FRMD5: variants seen among roughly 807,000 people sequenced by gnomAD.
FRMD5 encodes the protein FERM domain containing 5, also known as FERM domain-containing protein 5.
FRMD5 carries 20 observed loss-of-function variants against 69.0 expected under a neutral mutation model. That is an observed-to-expected ratio of 0.29 (90% CI 0.20 to 0.42). The LOEUF is 0.42. FRMD5 is among the 10% of genes least tolerant of loss of function. The pLI is 1.00. For synonymous variants in FRMD5, 271 were observed against 260.1 expected (o/e 1.04, Z -0.40); for missense variants, 595 against 708.6 (o/e 0.84, Z 1.82).
At chr15:44,108,610 A>G (rs1458169075) in intron 1 of FRMD5, among the ~76,000 whole-genome samples, 1 of 152,116 alleles carries the variant, frequency 6.6e-6, no homozygotes, top group Non-Finnish European at 1.5e-5. Flanking sequence ...ACGCCATTGC[A>G]CTCCAGCCTG....
At chr15:43,980,392 T>G (rs555214767) in intron 1 of FRMD5, among the ~76,000 whole-genome samples, 1 of 152,334 alleles carries the variant, frequency 6.6e-6, no homozygotes, top group South Asian at 2.1e-4. Flanking sequence ...GGAAAATAAC[T>G]CAGCATTTCT....
intron 1 of FRMD5, among the ~76,000 whole-genome samples, chr15:44,020,898 A>G (rs891152629): frequency 1.3e-5 from 2 of 152,236 alleles, no homozygotes; most frequent in Non-Finnish European, 2.9e-5. Context: ...GTGGTACACC[A>G]TTACATAAGA....
intron 1 of FRMD5, among the ~76,000 whole-genome samples, chr15:44,112,094 C>T (rs1289528961): frequency 2.6e-5 from 4 of 152,136 alleles, no homozygotes; most frequent in Admixed American, 6.5e-5. Context: ...CCGCCCACCT[C>T]GGCCTCCCAA....
chr15:44,105,321 C>T (rs2076701469), intron 1 of FRMD5, among the ~76,000 whole-genome samples: 1 of 152,086 alleles, frequency 6.6e-6, no homozygotes, highest in African/African-American at 2.4e-5. Flanking sequence ...AAGTAATACA[C>T]CTGCCTCAGC....
intron 13 of FRMD5, chr15:43,875,824 T>TA: frequency 2.5e-6 from 1 of 401,936 alleles, no homozygotes; most frequent in East Asian, 4.2e-5. Context: ...TTTTTTTTTT[T>TA]TTTCTTTCAG....
chr15:44,198,146 C>T (rs958798106), upstream of FRMD5, among the ~76,000 whole-genome samples: 3 of 150,838 alleles, frequency 2.0e-5, no homozygotes, highest in Admixed American at 6.6e-5. Context: ...CCCATAGCTA[C>T]AATAATAATA....
intron 1 of FRMD5, among the ~76,000 whole-genome samples, chr15:44,137,797 T>C (rs532776944): frequency 1.3e-5 from 2 of 151,762 alleles, no homozygotes; most frequent in African/African-American, 4.8e-5. Flanking sequence ...TGGTCAGGAG[T>C]TCAACTTCTG....
intron 1 of FRMD5, among the ~76,000 whole-genome samples, chr15:43,939,662 ATCC>A (rs1219545887): frequency 1.3e-5 from 2 of 152,044 alleles, no homozygotes; most frequent in Non-Finnish European, 2.9e-5. Flanking sequence ...AGCTCAATTG[ATCC>A]TCCTACCTCA....
chr15:43,978,535 C>T (rs2090499592), intron 1 of FRMD5, among the ~76,000 whole-genome samples: 1 of 152,084 alleles, frequency 6.6e-6, no homozygotes, highest in Non-Finnish European at 1.5e-5. Context: ...TTAAGACGTA[C>T]ATTTGGTTAA....
At chr15:44,135,671 A>G (rs1325596866) in intron 1 of FRMD5, among the ~76,000 whole-genome samples, 1 of 151,994 alleles carries the variant, frequency 6.6e-6, no homozygotes, top group Non-Finnish European at 1.5e-5. Context: ...CTAAAAGTAC[A>G]AAAATTAGCC....
chr15:44,136,453 T>C (rs1325650735), intron 1 of FRMD5, among the ~76,000 whole-genome samples: 1 of 152,234 alleles, frequency 6.6e-6, no homozygotes, highest in African/African-American at 2.4e-5. Flanking sequence ...AGAAGGACTT[T>C]ATTTCTCTAG....
intron 13 of FRMD5, 39 bp downstream of exon 13, chr15:43,883,664 G>A (rs776150926): frequency 2.1e-6 from 3 of 1,431,372 alleles, no homozygotes; most frequent in South Asian, 2.5e-5. Context: ...ATCACAACTT[G>A]GAGGACCCCA....
intron 1 of FRMD5, among the ~76,000 whole-genome samples, chr15:43,942,744 A>G (rs2089882817): frequency 6.6e-6 from 1 of 152,230 alleles, no homozygotes; most frequent in Non-Finnish European, 1.5e-5. Context: ...TGTCATGAAT[A>G]CTAATGTTCC....
intron 1 of FRMD5, among the ~76,000 whole-genome samples, chr15:44,171,029 A>G (rs532623497): frequency 1.6e-4 from 24 of 152,194 alleles, no homozygotes; most frequent in Non-Finnish European, 2.9e-4. Context: ...TTTTAAAAAC[A>G]CACACATAAC....
chr15:44,126,426 TAA>T (rs1313123528), intron 1 of FRMD5, among the ~76,000 whole-genome samples: 1 of 152,228 alleles, frequency 6.6e-6, no homozygotes, highest in Non-Finnish European at 1.5e-5. Context: ...TAAAATAATC[TAA>T]GTTTGTATGT....
chr15:44,161,753 G>A (rs2077619420), intron 1 of FRMD5, among the ~76,000 whole-genome samples: 1 of 152,064 alleles, frequency 6.6e-6, no homozygotes, highest in Non-Finnish European at 1.5e-5. Flanking sequence ...AATGTTCCAA[G>A]TTCCAAAACA....
intron 1 of FRMD5, among the ~76,000 whole-genome samples, chr15:44,115,548 T>C (rs963813590): frequency 8.5e-5 from 13 of 152,222 alleles, no homozygotes; most frequent in African/African-American, 1.4e-4. Context: ...AAACTACAGA[T>C]ACATATATGT....
intron 6 of FRMD5, among the ~76,000 whole-genome samples, chr15:43,904,848 C>T (rs2089131692): frequency 1.3e-5 from 2 of 152,088 alleles, no homozygotes; most frequent in South Asian, 4.1e-4. Context: ...TGGTATTCAG[C>T]ATATTCTGGG....
At chr15:43,903,124 T>C (rs1166645855) in intron 6 of FRMD5, among the ~76,000 whole-genome samples, 1 of 152,206 alleles carries the variant, frequency 6.6e-6, no homozygotes, top group Non-Finnish European at 1.5e-5. Flanking sequence ...GCAGGTGTGT[T>C]GATGGGCTCA....
Sources: allele counts gnomAD v4.1 joint callset (sites outside exome capture counted in the v4.1 genomes callset), GRCh38; gene constraint gnomAD v4.1.1; transcripts MANE v1.5; gene names NCBI Gene and HGNC (gene_info 2026-07-23, HGNC 2026-07-21).